The following RICTOR variants were observed in gnomAD, a reference collection of about 807,000 sequenced individuals.
RICTOR encodes RPTOR independent companion of MTOR complex 2.
In RICTOR, 49 loss-of-function variants were observed where a neutral mutation model predicts 214.9. The observed-to-expected ratio is 0.23, with a 90% confidence interval of 0.18 to 0.29. The LOEUF (loss-of-function observed/expected upper bound fraction) is 0.29, where lower values mean the gene tolerates loss of function less well. RICTOR is among the 10% of genes least tolerant of loss of function. RICTOR has a pLI of 1.00. For missense variants in RICTOR, 1,625 were observed against 2,047.0 expected, an observed-to-expected ratio of 0.79 and a Z score of 3.98; for synonymous variants, 717 against 711.3, an observed-to-expected ratio of 1.01 and a Z score of -0.13.
At chr5:38,987,606 T>C (rs1752271559) in intron 7 of RICTOR, among the ~76,000 whole-genome samples, 1 of 152,174 alleles carries the variant, frequency 6.6e-6, no homozygotes, top group African/African-American at 2.4e-5. Context: ...CTCTCTTTTC[T>C]TCTTTATTAG....
chr5:39,007,990 T>C (rs1161830548), intron 3 of RICTOR, among the ~76,000 whole-genome samples: 1 of 151,524 alleles, frequency 6.6e-6, no homozygotes, highest in Admixed American at 6.6e-5. Context: ...ATTTTACTAA[T>C]ATAAAGTAGG....
intron 7 of RICTOR, among the ~76,000 whole-genome samples, chr5:38,984,316 T>A (rs896257504): frequency 1.3e-5 from 2 of 152,234 alleles, no homozygotes; most frequent in Non-Finnish European, 2.9e-5. Flanking sequence ...CTTCTTCCAA[T>A]TAACAATTTA....
chr5:39,039,528 T>C lies in RICTOR; in HGVS notation c.98-18392A>G, dbSNP rs188322615. On this transcript the variant is annotated intron_variant, in intron 2 of 37. Coordinates refer to ENST00000357387, the MANE Select transcript of RICTOR (RefSeq NM_152756.5). ...AGAAACTACCATCAGAGTGAACAGG[T>C]AACCTACAGAATAGGAGAAAATTTT... Among the ~76,000 whole-genome samples the C allele has an allele frequency of 5.3e-5, 8 of 152,132 alleles. No homozygotes were observed. The East Asian group carries it at 9.7e-4, about 18-fold the overall frequency.
intron 31 of RICTOR, 189 bp downstream of exon 31, chr5:38,949,522 TC>T: frequency 1.7e-6 from 2 of 1,197,414 alleles, no homozygotes; most frequent in Non-Finnish European, 1.2e-6. Context: ...AGGATTTTCT[TC>T]CCCCCTCGCA....
chr5:38,983,847 C>A (rs1751929999), intron 7 of RICTOR, among the ~76,000 whole-genome samples: 1 of 152,096 alleles, frequency 6.6e-6, no homozygotes, highest in Non-Finnish European at 1.5e-5. Flanking sequence ...TGCCTGTAGT[C>A]CCAGCTACTT....
At chr5:38,948,023 A>G (rs1367197713) in intron 31 of RICTOR, among the ~76,000 whole-genome samples, 3 of 151,230 alleles carry the variant, frequency 2.0e-5, no homozygotes, top group Non-Finnish European at 4.4e-5. Flanking sequence ...CAATGTACTG[A>G]TATTTCCACA....
intron 24 of RICTOR, 128 bp from the exon 25 acceptor site, chr5:38,957,858 CTAAAAGGTCAACTAT>C: frequency 1.9e-6 from 1 of 529,150 alleles, no homozygotes; most frequent in East Asian, 3.3e-5. Context: ...GTTCCTAAAA[CTAAAAGGTCAACTAT>C]AATTTATTAT....
chr5:38,973,959 C>T (rs1195534212), intron 10 of RICTOR, among the ~76,000 whole-genome samples: 3 of 151,950 alleles, frequency 2.0e-5, no homozygotes, highest in Admixed American at 2.0e-4. Context: ...AAGTTATTTC[C>T]ACGAGACAAA....
At position 38,966,698 on chromosome 5, in the gene RICTOR, G is replaced by T; in HGVS notation, c.1242C>A (p.Asn414Lys). ...LLEGLVEVIT[N>K]SDDHISVRAT... Reference sequence around the variant, plus strand: ...CTCTAACTGAGATATGATCATCACTGTTTGTTATCACTTCAACTAGACCCT... The same window carrying T: ...CTCTAACTGAGATATGATCATCACTTTTTGTTATCACTTCAACTAGACCCT... Residue 414 changes from asparagine (N) to lysine (K), a missense_variant, in exon 15 of 38, where the codon AAC (asparagine) becomes AAA (lysine). Coordinates refer to ENST00000357387, the MANE Select transcript of RICTOR (RefSeq NM_152756.5). The T allele has an allele frequency of 6.3e-7, 1 of 1,586,624 alleles. No homozygotes were observed. Among genetic ancestry groups the T allele is most frequent in the Non-Finnish European group, 8.6e-7 (1 of 1,158,038 alleles).
chr5:38,968,032 T>A lies in RICTOR; in HGVS notation c.973-2A>T, dbSNP rs1285779685. On this transcript the variant is annotated splice_acceptor_variant, in intron 11 of 37. Coordinates refer to ENST00000357387, the MANE Select transcript of RICTOR (RefSeq NM_152756.5). LOFTEE classifies it high-confidence loss of function. ...ATAAAGCACTTCAAGTAGACCTCGC[T>A]AAATTAGCAAACAAATACACCTCAT... 6.4e-7 allele frequency: 1 copy of A among 1,562,918 alleles called. No homozygotes were observed. The highest frequency in any genetic ancestry group is 8.8e-7 in the Non-Finnish European group (1 of 1,134,196).
chr5:38,948,784 T>C (rs1415172348), intron 31 of RICTOR, among the ~76,000 whole-genome samples: 1 of 152,042 alleles, frequency 6.6e-6, no homozygotes, highest in Admixed American at 6.6e-5. Context: ...TTAAATCCTG[T>C]AAGGGTACAC....
chr5:39,048,477 T>C (rs1466691924), intron 2 of RICTOR, among the ~76,000 whole-genome samples: 1 of 152,202 alleles, frequency 6.6e-6, no homozygotes, highest in Non-Finnish European at 1.5e-5. Context: ...AGAGGCTACC[T>C]ACTTGGCAAT....
chr5:39,050,339 T>G (rs1757759352), intron 2 of RICTOR, among the ~76,000 whole-genome samples: 1 of 152,022 alleles, frequency 6.6e-6, no homozygotes, highest in South Asian at 2.1e-4. Flanking sequence ...TTTCTTTGTT[T>G]TTTTTCTTCT....
intron 2 of RICTOR, among the ~76,000 whole-genome samples, chr5:39,027,612 G>A (rs1227758103): frequency 2.0e-5 from 3 of 152,070 alleles, no homozygotes; most frequent in African/African-American, 7.2e-5. Context: ...ACATATTTAT[G>A]TTAAAGTTTA....
chr5:38,982,030 T>C lies in RICTOR; in HGVS notation c.590A>G (p.Gln197Arg), dbSNP rs1751752465. 6.2e-7 allele frequency: 1 copy of C among 1,608,076 alleles called. No homozygotes were observed. Among genetic ancestry groups the C allele is most frequent in the Admixed American group, 1.7e-5 (1 of 59,890 alleles). ...CIAIICELAL[Q>R]NPEVVALRGG... ...TCGAAGGGCCACCACCTCTGGATTC[T>C]GAAGTGCTAAAAGAGAAAAACTTAA... is the stretch of plus-strand genomic sequence containing the variant. The change falls in exon 8 of 38, where the codon CAG (glutamine) becomes CGG (arginine). Residue 197 changes from glutamine (Q) to arginine (R), a missense_variant. Physicochemically the swap from Gln to Arg is conservative, Grantham distance 43. Transcript: ENST00000357387.
intron 2 of RICTOR, among the ~76,000 whole-genome samples, chr5:39,073,635 G>A (rs1396935295): frequency 6.6e-6 from 1 of 152,172 alleles, no homozygotes; most frequent in Non-Finnish European, 1.5e-5. Context: ...GGGGAAAGCA[G>A]TCACGCAGTC....
At chr5:39,004,174 A>T (rs1030477187) in intron 3 of RICTOR, among the ~76,000 whole-genome samples, 6 of 151,974 alleles carry the variant, frequency 3.9e-5, no homozygotes, top group Non-Finnish European at 8.8e-5. Context: ...CCTTATTGGG[A>T]TATCTTCCTT....
chr5:38,956,120 A>C (rs1749239770), intron 25 of RICTOR, among the ~76,000 whole-genome samples: 1 of 152,092 alleles, frequency 6.6e-6, no homozygotes, highest in Non-Finnish European at 1.5e-5. Flanking sequence ...AATTCTGTCC[A>C]TCTTATTTTG....
chr5:38,980,315 G>T (rs544600874), intron 8 of RICTOR, among the ~76,000 whole-genome samples: 99 of 152,084 alleles, frequency 6.5e-4, no homozygotes, highest in Middle Eastern at 6.8e-3. Flanking sequence ...GTCAGGCATT[G>T]TGCACTTTAT....
Sources: allele counts gnomAD v4.1 joint callset (sites outside exome capture counted in the v4.1 genomes callset), GRCh38; gene constraint gnomAD v4.1.1; transcripts MANE v1.5; gene names NCBI Gene and HGNC (gene_info 2026-07-23, HGNC 2026-07-21).